LMOD1: variants seen among roughly 807,000 people sequenced by gnomAD.
LMOD1 encodes the protein leiomodin-1.
Under a neutral mutation model 36.5 loss-of-function variants are expected in LMOD1, and 8 were observed. The ratio of observed to expected loss-of-function variants is 0.22; its 90% CI spans 0.13 to 0.40. The LOEUF is 0.40. Among genes scored for constraint, LMOD1 ranks in the 10% least tolerant of loss-of-function variants. The pLI, the probability that LMOD1 is intolerant of heterozygous loss-of-function variation, is 1.00. For synonymous variants in LMOD1, 284 were observed against 288.7 expected (o/e 0.98, Z 0.17); for missense variants, 630 against 751.1 (o/e 0.84, Z 1.88).
intron 1 of LMOD1, among the ~76,000 whole-genome samples, chr1:201,943,478 C>T (rs533994565): frequency 6.6e-6 from 1 of 152,346 alleles, no homozygotes; most frequent in Admixed American, 6.5e-5. Context: ...GCCAGGCCAG[C>T]AGCCTGGAGT....
At chr1:201,921,414 G>C (rs1346939324) in intron 1 of LMOD1, among the ~76,000 whole-genome samples, 2 of 143,424 alleles carry the variant, frequency 1.4e-5, no homozygotes, top group Non-Finnish European at 3.0e-5. Context: ...CTTGACCCCA[G>C]GAGGTGGAGG....
At chr1:201,942,894 A>G (rs970411253) in intron 1 of LMOD1, among the ~76,000 whole-genome samples, 1 of 152,196 alleles carries the variant, frequency 6.6e-6, no homozygotes, top group Admixed American at 6.5e-5. Context: ...ATTTATGTCT[A>G]AAAGAAAAGA....
At chr1:201,943,033 T>A (rs1682146025) in intron 1 of LMOD1, among the ~76,000 whole-genome samples, 1 of 152,246 alleles carries the variant, frequency 6.6e-6, no homozygotes, top group Admixed American at 6.5e-5. Flanking sequence ...TCTAGTTATG[T>A]TCCTACTCAT....
At chr1:201,931,232 T>C (rs1406950414) in intron 1 of LMOD1, among the ~76,000 whole-genome samples, 1 of 152,058 alleles carries the variant, frequency 6.6e-6, no homozygotes, top group African/African-American at 2.4e-5. Flanking sequence ...ATCCTTTCCA[T>C]GGGATAAAAG....
chr1:201,912,715 C>T (rs1386455855), intron 1 of LMOD1, among the ~76,000 whole-genome samples: 11 of 151,948 alleles, frequency 7.2e-5, no homozygotes, highest in East Asian at 3.9e-4. Flanking sequence ...AAAAATTAGC[C>T]GGGCGTGGTG....
At chr1:201,910,501 C>G (rs1445052756) in intron 1 of LMOD1, among the ~76,000 whole-genome samples, 1 of 152,102 alleles carries the variant, frequency 6.6e-6, no homozygotes, top group Non-Finnish European at 1.5e-5. Flanking sequence ...CCAGTCTGGT[C>G]TCGAACTCCT....
chr1:201,936,319 G>C (rs191647669), intron 1 of LMOD1, among the ~76,000 whole-genome samples: 44 of 152,068 alleles, frequency 2.9e-4, no homozygotes, highest in Non-Finnish European at 6.2e-4. Flanking sequence ...GGAAGAATGA[G>C]CCTTTTAAAG....
chr1:201,901,511 A>AAAT (rs1242266721), intron 1 of LMOD1, among the ~76,000 whole-genome samples: 8 of 75,226 alleles, frequency 1.1e-4, no homozygotes, highest in South Asian at 4.1e-4. Flanking sequence ...TCAAAAAAAA[A>AAAT]ATATATATAT....
Position 201,900,531 on chromosome 1 carries a change from C to A in LMOD1, c.482G>T (p.Gly161Val), listed in dbSNP as rs768173934. The A allele has an allele frequency of 5.0e-6, 8 of 1,613,874 alleles. No individual in the cohort carries two copies. The highest frequency in any genetic ancestry group is 6.8e-6 in the Non-Finnish European group (8 of 1,179,884). Residue 161 changes from glycine (G) to valine (V), a missense_variant, in exon 2 of 3, where the codon GGC becomes GTC. By Grantham distance (109) the Gly-to-Val change is moderately radical. Around this residue, in one of 3 missense-constraint regions of LMOD1, gnomAD observed 405 missense variants for 400.6 expected, o/e 1.01. Coordinates refer to ENST00000367288, the MANE Select transcript of LMOD1 (RefSeq NM_012134.3). ...CTTATCCACTGCAGCCCTGACCCGG[C>A]CCTTGTCAATGCCCCGGATGATCTT... is the stretch of plus-strand genomic sequence containing the variant. ...EEKIIRGIDK[G>V]RVRAAVDKKE... is the part of the protein sequence containing the mutation.
rs58506647 is a variant in LMOD1, at chr1:201,910,744, CTTTTTTTTTTTT to C, written c.262-10005_262-9994del. ...TTCCCCTTTTGCAGATGGTGTCATT[CTTTTTTTTTTTT>C]TTTTTTTTTTTTTTTTGAGATGGAG... is the stretch of plus-strand genomic sequence containing the variant. On this transcript the variant is annotated intron_variant, in intron 1 of 2. Transcript: ENST00000367288. Among the ~76,000 whole-genome samples the C allele has an allele frequency of 5.9e-4, 29 of 49,068 alleles. 1 individual carries two copies. The highest frequency in any genetic ancestry group is 0.026 in the Middle Eastern group (1 of 38). The allele number at this position is 49,068 out of a possible 152,430, so 32.2% of individuals were successfully genotyped here.
At position 201,897,578 on chromosome 1, in the gene LMOD1, G is replaced by A. The variant is rs2102906235; in HGVS notation, c.*794C>T. Reference sequence around the variant, plus strand: ...AACCTGAGCTTCTAGAGTCCTCCAGGGAGCCCAGGGTTAGGATCAGGACTC... The same window carrying A: ...AACCTGAGCTTCTAGAGTCCTCCAGAGAGCCCAGGGTTAGGATCAGGACTC... On this transcript the variant is annotated 3_prime_UTR_variant, in exon 3 of 3. Coordinates refer to ENST00000367288, the MANE Select transcript of LMOD1 (RefSeq NM_012134.3). The A allele has an allele frequency of 6.5e-6, 1 of 152,860 alleles. No individual in the cohort carries two copies. The highest frequency in any genetic ancestry group is 1.9e-4 in the East Asian group (1 of 5,186). 9.5% of individuals were successfully genotyped at this position (152,860 alleles called of 1,614,324 possible).
Position 201,896,618 on chromosome 1 carries a change from CAG to C in LMOD1, c.*1752_*1753del. ...GCTAGTGCCCAGTGCCCAGCAGGCACAGGGGGGTGCAGTGGGACTGACAGTGA... is the reference window on the plus strand; with the variant it reads ...GCTAGTGCCCAGTGCCCAGCAGGCACGGGGGTGCAGTGGGACTGACAGTGA... On this transcript the variant is annotated 3_prime_UTR_variant, in exon 3 of 3. Coordinates refer to ENST00000367288, the MANE Select transcript of LMOD1 (RefSeq NM_012134.3). 1 of 456,732 alleles carries C rather than the reference CAG, an allele frequency of 2.2e-6. No homozygotes were observed. Among genetic ancestry groups the C allele is most frequent in the Non-Finnish European group, 4.4e-6 (1 of 226,970 alleles). 28.3% of individuals were successfully genotyped at this position (456,732 alleles called of 1,614,324 possible).
intron 1 of LMOD1, among the ~76,000 whole-genome samples, chr1:201,925,209 G>C (rs1222667770): frequency 6.7e-6 from 1 of 148,776 alleles, no homozygotes; most frequent in African/African-American, 2.5e-5. Context: ...CAAAACTCCA[G>C]CTCAAAAAAA....
chr1:201,916,971 A>G (rs1321118309), intron 1 of LMOD1, among the ~76,000 whole-genome samples: 1 of 149,444 alleles, frequency 6.7e-6, no homozygotes, highest in Non-Finnish European at 1.5e-5. Context: ...GAACCTGGGA[A>G]AAAAAGGGCA....
At chr1:201,931,587 A>G (rs527392816) in intron 1 of LMOD1, among the ~76,000 whole-genome samples, 2 of 151,794 alleles carry the variant, frequency 1.3e-5, no homozygotes, top group African/African-American at 4.8e-5. Flanking sequence ...AAAGGGAGAG[A>G]AAGGCGAAAA....
rs1192317544 is a variant in LMOD1, at chr1:201,934,509, TC to T, written c.261+11570del. ...ATCAGTCTCCCTGTCTACTGAATTA[TC>T]CCCATCAGCCATGCTATAATATTCC... On this transcript the variant is annotated intron_variant, in intron 1 of 2. Coordinates refer to ENST00000367288, the MANE Select transcript of LMOD1 (RefSeq NM_012134.3). 2.0e-5 allele frequency among the ~76,000 whole-genome samples: 3 copies of T among 152,282 alleles called. No homozygotes were observed. The East Asian group carries it at 5.8e-4, about 29-fold the overall frequency.
At chr1:201,943,111 G>A (rs902366104) in intron 1 of LMOD1, among the ~76,000 whole-genome samples, 4 of 152,156 alleles carry the variant, frequency 2.6e-5, no homozygotes, top group Non-Finnish European at 5.9e-5. Flanking sequence ...TGTGGTCTCT[G>A]CTCTGTAGCA....
chr1:201,926,474 G>T (rs1274669794), intron 1 of LMOD1, among the ~76,000 whole-genome samples: 3 of 152,146 alleles, frequency 2.0e-5, no homozygotes, highest in Non-Finnish European at 2.9e-5. Context: ...CTTGGAAAGT[G>T]TATTTATTGG....
chr1:201,905,136 C>G (rs930715986), intron 1 of LMOD1, among the ~76,000 whole-genome samples: 3 of 152,080 alleles, frequency 2.0e-5, no homozygotes, highest in African/African-American at 7.2e-5. Flanking sequence ...TTATTTTTTC[C>G]CTTTGCGAAA....
Sources: allele counts gnomAD v4.1 joint callset (sites outside exome capture counted in the v4.1 genomes callset), GRCh38; gene constraint gnomAD v4.1.1; regional missense constraint gnomAD v4.1.1; transcripts MANE v1.5; gene names NCBI Gene and HGNC (gene_info 2026-07-23, HGNC 2026-07-21).